MALRD1: variants seen among roughly 807,000 people sequenced by gnomAD.
MALRD1 encodes MAM and LDL receptor class A domain containing 1.
MALRD1 carries 247 observed loss-of-function variants against 242.1 expected under a neutral mutation model. The observed-to-expected ratio is 1.02, with a 90% CI of 0.92 to 1.13. MALRD1 has a LOEUF of 1.13. Ranked by LOEUF, MALRD1 falls within the 50% of genes most tolerant of loss-of-function variation. MALRD1 has a pLI of 0.00. For missense variants in MALRD1, 2,989 were observed against 2,533.1 expected, an observed-to-expected ratio of 1.18 and a Z score of -3.86; for synonymous variants, 995 against 866.6, an observed-to-expected ratio of 1.15 and a Z score of -2.60.
At chr10:19,293,605 A>C (rs1289022411) in intron 21 of MALRD1, among the ~76,000 whole-genome samples, 1 of 152,224 alleles carries the variant, frequency 6.6e-6, no homozygotes, top group African/African-American at 2.4e-5. Flanking sequence ...TTTTGTGGGA[A>C]CATGGATGGA....
chr10:19,315,154 G>T (rs12219639), intron 21 of MALRD1, among the ~76,000 whole-genome samples: 6,200 of 109,514 alleles, frequency 0.057, 160 homozygotes, highest in Non-Finnish European at 0.069. Flanking sequence ...ATAATTTATA[G>T]AAATATGTAA....
Position 19,282,652 on chromosome 10 carries a change from C to T in MALRD1, c.3257-367C>T, listed in dbSNP as rs186050843. 1.2e-4 allele frequency among the ~76,000 whole-genome samples: 19 copies of T among 152,238 alleles called. No individual in the cohort carries two copies. In the East Asian group the frequency reaches 3.1e-3, roughly 25 times the overall value. On this transcript the variant is annotated intron_variant, in intron 20 of 39. Coordinates refer to ENST00000454679, the MANE Select transcript of MALRD1 (RefSeq NM_001142308.3). Reference sequence around the variant, plus strand: ...AACTGAAGTTGGGAATTAGCAATAACCCCTTCAGAGACTGAGAAAAGAACA... The same window carrying T: ...AACTGAAGTTGGGAATTAGCAATAATCCCTTCAGAGACTGAGAAAAGAACA...
At chr10:19,627,455 G>A (rs1361887791) in intron 36 of MALRD1, among the ~76,000 whole-genome samples, 1 of 151,746 alleles carries the variant, frequency 6.6e-6, no homozygotes, top group African/African-American at 2.4e-5. Flanking sequence ...AACAATAACA[G>A]GGCCACGTGC....
intron 1 of MALRD1, chr10:19,051,468 C>G (rs879470192): frequency 6.1e-5 from 11 of 181,260 alleles, no homozygotes; most frequent in Non-Finnish European, 8.5e-5. Flanking sequence ...GCAGCCACCA[C>G]AGGCTTGGGA....
chr10:19,613,737 A>G (rs1298116833), intron 35 of MALRD1, among the ~76,000 whole-genome samples: 1 of 152,078 alleles, frequency 6.6e-6, no homozygotes, highest in East Asian at 1.9e-4. Flanking sequence ...TGTAACCCAG[A>G]AGCTGTGTGT....
At chr10:19,433,339 G>C (rs551343512) in intron 28 of MALRD1, among the ~76,000 whole-genome samples, 1 of 151,954 alleles carries the variant, frequency 6.6e-6, no homozygotes, top group Non-Finnish European at 1.5e-5. Context: ...AGTATTTCCT[G>C]TAAATGTCCT....
At chr10:19,248,740 G>A (rs1371934211) in intron 18 of MALRD1, among the ~76,000 whole-genome samples, 1 of 151,306 alleles carries the variant, frequency 6.6e-6, no homozygotes, top group Non-Finnish European at 1.5e-5. Flanking sequence ...TATTTAAATT[G>A]TGTGGGTCTC....
At chr10:19,171,406 CACA>C (rs1458811498) in intron 13 of MALRD1, among the ~76,000 whole-genome samples, 1 of 139,678 alleles carries the variant, frequency 7.2e-6, no homozygotes. Context: ...GGGAATTGGT[CACA>C]ACATTTTATA....
rs1041768065 is a variant in MALRD1 at position 19,445,135 on chromosome 10, G to A, written c.4846-5172G>A. ...CTTGTGCATGTATCACATAGCTCTC[G>A]TGCCATGATTTTCAGCTCCACCAGG... On this transcript the variant is annotated intron_variant, in intron 28 of 39. Transcript: ENST00000454679. Among the ~76,000 whole-genome samples the A allele has an allele frequency of 4.6e-5, 7 of 152,202 alleles. No homozygotes were observed. In the East Asian group the frequency reaches 5.8e-4, roughly 13 times the overall value.
chr10:19,349,043 C>CAT (rs1272204758), intron 25 of MALRD1, among the ~76,000 whole-genome samples: 3 of 152,140 alleles, frequency 2.0e-5, no homozygotes, highest in Non-Finnish European at 4.4e-5. Context: ...CTCACTGTAA[C>CAT]ATCCACCTGC....
intron 8 of MALRD1, among the ~76,000 whole-genome samples, chr10:19,129,356 A>C (rs181587951): frequency 6.6e-6 from 1 of 152,156 alleles, no homozygotes; most frequent in Admixed American, 6.5e-5. Context: ...TTGAACAACC[A>C]TATGGAAGAG....
intron 36 of MALRD1, among the ~76,000 whole-genome samples, chr10:19,672,254 T>A (rs1012822815): frequency 3.3e-5 from 5 of 152,028 alleles, no homozygotes; most frequent in African/African-American, 1.2e-4. Context: ...AACAGTGGAA[T>A]TGCTCTTAAA....
intron 21 of MALRD1, among the ~76,000 whole-genome samples, chr10:19,294,064 AG>A (rs1841575923): frequency 6.6e-6 from 1 of 152,230 alleles, no homozygotes; most frequent in Non-Finnish European, 1.5e-5. Context: ...AGTCATAAAA[AG>A]GTCTATAAAA....
At chr10:19,547,794 ATATATATATATATATATATATATAT>A in intron 32 of MALRD1, among the ~76,000 whole-genome samples, 1 of 11,352 alleles carries the variant, frequency 8.8e-5, no homozygotes, top group Non-Finnish European at 2.0e-4. Context: ...ACATATATAT[ATATATATATATATATATATATATAT>A]TTTTTTTTTT....
At chr10:19,143,407 A>G (rs1468024945) in intron 10 of MALRD1, among the ~76,000 whole-genome samples, 2 of 152,188 alleles carry the variant, frequency 1.3e-5, no homozygotes, top group Non-Finnish European at 2.9e-5. Flanking sequence ...GGAAATTAGA[A>G]TGGTGCCTTC....
In MALRD1 at chr10:19,503,991, A is replaced by G. The variant is rs572847969; in HGVS notation, c.5320+5345A>G. Reference sequence around the variant, plus strand: ...TACAAGCTTACTATCATGCATTTCTATACTCACCACTCAAGGTCAGAAAAC... The same window carrying G: ...TACAAGCTTACTATCATGCATTTCTGTACTCACCACTCAAGGTCAGAAAAC... On this transcript the variant is annotated intron_variant, in intron 31 of 39. Transcript: ENST00000454679. Among the ~76,000 whole-genome samples, 72 of 152,338 alleles carry G rather than the reference A, an allele frequency of 4.7e-4. 1 individual carries two copies. In the South Asian group the frequency reaches 0.013, roughly 28 times the overall value.
chr10:19,729,798 G>C (rs540222641), intron 38 of MALRD1, among the ~76,000 whole-genome samples: 1 of 131,034 alleles, frequency 7.6e-6, no homozygotes. Context: ...GTGCAGTGGC[G>C]CGATCTCGGC....
chr10:19,226,986 A>T (rs1374353178), intron 18 of MALRD1, among the ~76,000 whole-genome samples: 2 of 152,102 alleles, frequency 1.3e-5, no homozygotes, highest in Non-Finnish European at 2.9e-5. Context: ...CAAAATTTCT[A>T]AATCACTAAT....
intron 28 of MALRD1, among the ~76,000 whole-genome samples, chr10:19,447,285 G>A (rs1004517278): frequency 6.6e-6 from 1 of 152,074 alleles, no homozygotes; most frequent in Non-Finnish European, 1.5e-5. Context: ...ATGAATGAAT[G>A]GATAAGGAAA....
Sources: allele counts gnomAD v4.1 joint callset (sites outside exome capture counted in the v4.1 genomes callset), GRCh38; gene constraint gnomAD v4.1.1; transcripts MANE v1.5; gene names NCBI Gene and HGNC (gene_info 2026-07-23, HGNC 2026-07-21).